Variants in NKAIN2 observed in about 807,000 individuals in gnomAD.
NKAIN2 encodes the protein sodium/potassium-transporting ATPase subunit beta-1-interacting protein 2.
Under a neutral mutation model 32.6 loss-of-function variants are expected in NKAIN2, and 14 were observed. The ratio of observed to expected loss-of-function variants is 0.43; its 90% CI spans 0.28 to 0.67. The LOEUF is 0.67. Ranked by LOEUF, NKAIN2 falls within the 30% of genes least tolerant of loss-of-function variation. The pLI, the probability that NKAIN2 is intolerant of heterozygous loss-of-function variation, is 0.17. For missense variants in NKAIN2, 198 were observed against 258.3 expected, an observed-to-expected ratio of 0.77 and a Z score of 1.60; for synonymous variants, 80 against 87.2, an observed-to-expected ratio of 0.92 and a Z score of 0.46.
intron 3 of NKAIN2, among the ~76,000 whole-genome samples, chr6:124,590,661 G>T (rs565821155): frequency 6.6e-6 from 1 of 152,310 alleles, no homozygotes; most frequent in Non-Finnish European, 1.5e-5. Flanking sequence ...AGTCAGAGAA[G>T]AAATCCAAGT....
intron 1 of NKAIN2, among the ~76,000 whole-genome samples, chr6:123,999,747 T>C (rs573078709): frequency 2.0e-5 from 3 of 152,240 alleles, no homozygotes; most frequent in African/African-American, 7.2e-5. Context: ...GACACAGACA[T>C]TTCCTGCGGG....
chr6:124,822,272 AG>A (rs1362799019), intron 6 of NKAIN2, among the ~76,000 whole-genome samples: 2 of 152,212 alleles, frequency 1.3e-5, no homozygotes, highest in African/African-American at 4.8e-5. Context: ...CAGAGAACTT[AG>A]CATCTCCTAT....
At chr6:124,521,445 A>T (rs1478341775) in intron 3 of NKAIN2, among the ~76,000 whole-genome samples, 1 of 152,142 alleles carries the variant, frequency 6.6e-6, no homozygotes, top group Non-Finnish European at 1.5e-5. Context: ...ATTCATGTGC[A>T]TTCATTTATT....
At chr6:124,015,814 A>G (rs921371978) in intron 1 of NKAIN2, among the ~76,000 whole-genome samples, 13 of 152,182 alleles carry the variant, frequency 8.5e-5, no homozygotes, top group African/African-American at 3.1e-4. Flanking sequence ...CTAAGAAAGT[A>G]CAATTCCAGG....
At chr6:124,153,707 T>C (rs1241504398) in intron 1 of NKAIN2, among the ~76,000 whole-genome samples, 1 of 151,770 alleles carries the variant, frequency 6.6e-6, no homozygotes, top group Admixed American at 6.6e-5. Context: ...TTTATTGACC[T>C]TGTTTTCAGT....
chr6:124,227,976 T>C (rs996871429), intron 1 of NKAIN2, among the ~76,000 whole-genome samples: 16 of 152,282 alleles, frequency 1.1e-4, no homozygotes, highest in Admixed American at 9.2e-4. Flanking sequence ...GGTTGGGTTC[T>C]GGTGAAGACC....
chr6:124,172,003 G>A (rs963194377), intron 1 of NKAIN2, among the ~76,000 whole-genome samples: 24 of 151,712 alleles, frequency 1.6e-4, no homozygotes, highest in Admixed American at 1.6e-3. Flanking sequence ...TAGTAGAGAC[G>A]GGGTTTCACC....
At chr6:124,581,612 A>G (rs1301232297) in intron 3 of NKAIN2, among the ~76,000 whole-genome samples, 3 of 151,442 alleles carry the variant, frequency 2.0e-5, no homozygotes, top group Non-Finnish European at 4.4e-5. Flanking sequence ...GTTAAGCCAC[A>G]AAAAAATCTT....
rs1394692119 is a variant in NKAIN2 at position 124,343,292 on chromosome 6, C to T, written c.193-11975C>T. Among the ~76,000 whole-genome samples the T allele has an allele frequency of 5.9e-5, 9 of 151,832 alleles. No homozygotes were observed. In the East Asian group the frequency reaches 9.7e-4, roughly 16 times the overall value. The stretch of plus-strand genomic sequence containing the variant: ...TGTGAATAGTGCCGAAATAAACATA[C>T]GTGTGCATGTGTCTTTATAGCAGCA... On this transcript the variant is annotated intron_variant, in intron 2 of 6. Coordinates refer to ENST00000368417, the MANE Select transcript of NKAIN2 (RefSeq NM_001040214.3).
chr6:124,152,844 C>A (rs901355960), intron 1 of NKAIN2, among the ~76,000 whole-genome samples: 1 of 151,792 alleles, frequency 6.6e-6, no homozygotes, highest in Non-Finnish European at 1.5e-5. Context: ...TGAAATTTTG[C>A]CACTTGTAAC....
At chr6:124,101,350 G>C (rs911342288) in intron 1 of NKAIN2, among the ~76,000 whole-genome samples, 1 of 152,244 alleles carries the variant, frequency 6.6e-6, no homozygotes. Flanking sequence ...CAAATAGGCT[G>C]TATTGGTCAC....
chr6:124,597,118 C>T (rs569868359), intron 3 of NKAIN2, among the ~76,000 whole-genome samples: 1 of 152,236 alleles, frequency 6.6e-6, no homozygotes, highest in South Asian at 2.1e-4. Flanking sequence ...TAATCTCATC[C>T]AGAGACACTC....
In NKAIN2 at chr6:124,593,557, A is replaced by G. The variant is rs188795688; in HGVS notation, c.274-64629A>G. Among the ~76,000 whole-genome samples, 743 of 152,260 alleles carry G rather than the reference A, an allele frequency of 4.9e-3. 9 individuals carry two copies. Among genetic ancestry groups the G allele is most frequent in the African/African-American group, 0.017 (706 of 41,558 alleles). On this transcript the variant is annotated intron_variant, in intron 3 of 6. Coordinates refer to ENST00000368417, the MANE Select transcript of NKAIN2 (RefSeq NM_001040214.3). Reference sequence around the variant, plus strand: ...GAAAGAGGAAGCGATACTTCCTTCCAAAGTGAGAAAATTGGCTGAGAAATA... The same window carrying G: ...GAAAGAGGAAGCGATACTTCCTTCCGAAGTGAGAAAATTGGCTGAGAAATA...
intron 3 of NKAIN2, among the ~76,000 whole-genome samples, chr6:124,454,793 T>C (rs900116774): frequency 9.2e-5 from 14 of 152,144 alleles, no homozygotes; most frequent in Middle Eastern, 3.4e-3. Flanking sequence ...AAACTGAGCA[T>C]TTTATTACCA....
intron 4 of NKAIN2, among the ~76,000 whole-genome samples, chr6:124,788,780 C>G (rs528233986): frequency 1.3e-5 from 2 of 152,186 alleles, no homozygotes; most frequent in African/African-American, 4.8e-5. Flanking sequence ...CAAACCATAT[C>G]AGAGACATTC....
chr6:124,469,975 G>A (rs2114670126), intron 3 of NKAIN2, among the ~76,000 whole-genome samples: 1 of 152,258 alleles, frequency 6.6e-6, no homozygotes, highest in Admixed American at 6.6e-5. Context: ...TCCTAATGGT[G>A]CAAGGATTAC....
chr6:124,465,656 T>C (rs1477731186), intron 3 of NKAIN2, among the ~76,000 whole-genome samples: 2 of 150,844 alleles, frequency 1.3e-5, no homozygotes, highest in African/African-American at 4.9e-5. Flanking sequence ...AGAAATTCCT[T>C]TGACAAGGAA....
intron 3 of NKAIN2, among the ~76,000 whole-genome samples, chr6:124,636,887 A>G (rs1034440251): frequency 1.3e-5 from 2 of 152,090 alleles, no homozygotes; most frequent in African/African-American, 4.8e-5. Context: ...AGCTAATTAT[A>G]CAAGGCCAGC....
chr6:124,263,648 A>G (rs1794352222), intron 1 of NKAIN2, among the ~76,000 whole-genome samples: 1 of 152,216 alleles, frequency 6.6e-6, no homozygotes. Context: ...CAGGCCAGAT[A>G]AGGTCTAAGG....
Sources: gnomAD v4.1 joint callset for allele counts (sites outside exome capture counted in the v4.1 genomes callset) on GRCh38, gnomAD v4.1.1 for gene constraint, MANE v1.5 for transcripts, NCBI Gene and HGNC (gene_info 2026-07-23, HGNC 2026-07-21) for gene names.